Variants in PCDHGB3 observed in about 807,000 individuals in gnomAD.
PCDHGB3 encodes protocadherin gamma-B3.
Under a neutral mutation model 59.2 loss-of-function variants are expected in PCDHGB3, and 40 were observed. That is an observed-to-expected ratio of 0.68 (90% CI 0.52 to 0.88). The LOEUF (loss-of-function observed/expected upper bound fraction) is 0.88, where lower values mean the gene tolerates loss of function less well. PCDHGB3 is among the 40% of genes least tolerant of loss of function. The pLI is 0.00. For synonymous variants in PCDHGB3, 581 were observed against 503.6 expected (o/e 1.15, Z -2.06); for missense variants, 1,309 against 1,187.9 (o/e 1.10, Z -1.50).
intron 1 of PCDHGB3, chr5:141,478,024 C>T: frequency 2.5e-6 from 4 of 1,614,188 alleles, no homozygotes; most frequent in Non-Finnish European, 3.4e-6. Context: ...CAGTCCAAGA[C>T]ACAGATTCAC....
intron 1 of PCDHGB3, among the ~76,000 whole-genome samples, chr5:141,407,771 A>G (rs1414886829): frequency 6.6e-6 from 1 of 152,246 alleles, no homozygotes; most frequent in East Asian, 1.9e-4. Context: ...GAAATTGTGC[A>G]TAATAGATTT....
chr5:141,489,300 C>A lies in PCDHGB3; in HGVS notation c.2416-5507C>A. On this transcript the variant is annotated intron_variant, in intron 1 of 3. Coordinates refer to ENST00000576222, the MANE Select transcript of PCDHGB3 (RefSeq NM_018924.5). The surrounding 1 kb of genome is among the most constrained non-coding windows in gnomAD (Gnocchi z 4.5). ...AATGGCAAGTGCTGTGCATGTTGTC[C>A]TTGTGCTGCTGGGGCTGGGTGTCTG... 1 of 1,585,698 alleles carries A rather than the reference C, an allele frequency of 6.3e-7. No homozygotes were observed. Among genetic ancestry groups the A allele is most frequent in the South Asian group, 1.2e-5 (1 of 85,012 alleles).
In PCDHGB3 at chr5:141,489,153, G is replaced by A; in HGVS notation, c.2416-5654G>A. The A allele has an allele frequency of 1.1e-6, 1 of 935,832 alleles. No homozygotes were observed. The highest frequency in any genetic ancestry group is 1.6e-6 in the Non-Finnish European group (1 of 627,178). 58.0% of individuals were successfully genotyped at this position (935,832 alleles called of 1,614,324 possible). A position where few individuals can be genotyped will look rare whatever the true frequency, so the allele number is the denominator to read the frequency against. ...TTTAAGAGGCTGGAAGGAGACATAA[G>A]AGACTTCAGCTGCTGCATTCCAAGC... On this transcript the variant is annotated intron_variant, in intron 1 of 3. Coordinates refer to ENST00000576222, the MANE Select transcript of PCDHGB3 (RefSeq NM_018924.5). This position sits in a 1 kb window ranked among gnomAD's most constrained non-coding sequence, Gnocchi z 4.5.
At chr5:141,415,036 T>C (rs772612744) in intron 1 of PCDHGB3, 1 of 1,613,526 alleles carries the variant, frequency 6.2e-7, no homozygotes, top group Admixed American at 1.7e-5. Context: ...GCCGGGACTC[T>C]TCGCGGTGGG....
intron 1 of PCDHGB3, chr5:141,388,696 AGG>A (rs1404425662): frequency 1.2e-6 from 2 of 1,613,882 alleles, no homozygotes; most frequent in Non-Finnish European, 1.7e-6. Flanking sequence ...GACCAGGATG[AGG>A]GTGTCAATGC....
intron 1 of PCDHGB3, among the ~76,000 whole-genome samples, chr5:141,438,702 C>A (rs1217378337): frequency 5.7e-5 from 8 of 140,876 alleles, no homozygotes; most frequent in Non-Finnish European, 4.6e-5. Flanking sequence ...GCTCTGTCAC[C>A]CAGGCTGGAG....
chr5:141,474,685 T>G (rs1562045980), intron 1 of PCDHGB3, among the ~76,000 whole-genome samples: 1 of 152,224 alleles, frequency 6.6e-6, no homozygotes, highest in Non-Finnish European at 1.5e-5. Flanking sequence ...GCCTACCCCT[T>G]CACTTATGTT....
chr5:141,478,204 T>C (rs775367944), intron 1 of PCDHGB3: 7 of 1,613,950 alleles, frequency 4.3e-6, no homozygotes, highest in Middle Eastern at 1.6e-4. Context: ...ATCTACTTCT[T>C]TCTCTAATCC....
At chr5:141,403,378 T>G in intron 1 of PCDHGB3, 5 of 1,614,002 alleles carry the variant, frequency 3.1e-6, no homozygotes, top group Non-Finnish European at 4.2e-6. Context: ...AAGTAAAAAT[T>G]AACGAAATCG....
At chr5:141,389,567 G>A in intron 1 of PCDHGB3, 1 of 1,613,250 alleles carries the variant, frequency 6.2e-7, no homozygotes, top group South Asian at 1.1e-5. Flanking sequence ...CACGGGTGCT[G>A]TACCCCGCGC....
intron 1 of PCDHGB3, among the ~76,000 whole-genome samples, chr5:141,458,695 G>A (rs551105765): frequency 2.0e-5 from 3 of 151,852 alleles, no homozygotes; most frequent in Non-Finnish European, 2.9e-5. Context: ...TCAGCCTCCC[G>A]AGTAGCTGGG....
chr5:141,390,448 A>AGT, intron 1 of PCDHGB3: 1 of 845,308 alleles, frequency 1.2e-6, no homozygotes, highest in South Asian at 1.8e-5. Context: ...ACAAAGGAGG[A>AGT]GTAAAGTAGG....
At chr5:141,379,889 C>CTTTTTTATTTTTTTTTTTTTTTTTTTTTT (rs1775946036) in intron 1 of PCDHGB3, among the ~76,000 whole-genome samples, 1 of 50,830 alleles carries the variant, frequency 2.0e-5, no homozygotes, top group Non-Finnish European at 3.9e-5. Context: ...GTGAAAGCCT[C>CTTTTTTATTTTTTTTTTTTTTTTTTTTTT]TTTTTTTTTT....
chr5:141,509,046 C>T (rs1442220429), intron 3 of PCDHGB3, among the ~76,000 whole-genome samples: 1 of 152,160 alleles, frequency 6.6e-6, no homozygotes, highest in Non-Finnish European at 1.5e-5. Flanking sequence ...CTCTCCCCCG[C>T]CCCCAGAAAG....
chr5:141,405,770 G>A (rs989163026), intron 1 of PCDHGB3, among the ~76,000 whole-genome samples: 9 of 152,030 alleles, frequency 5.9e-5, no homozygotes, highest in South Asian at 4.2e-4. Flanking sequence ...GAGCCACTGC[G>A]CCTGGCCCTT....
At chr5:141,441,948 G>A in intron 1 of PCDHGB3, 1 of 332,472 alleles carries the variant, frequency 3.0e-6, no homozygotes, top group Non-Finnish European at 5.8e-6. Flanking sequence ...ACGTGCTGCA[G>A]GCCAGCAAGC....
At position 141,487,270 on chromosome 5, in the gene PCDHGB3, A is replaced by T. The variant is rs777469322; in HGVS notation, c.2416-7537A>T. 6.2e-7 allele frequency: 1 copy of T among 1,614,046 alleles called. No homozygotes were observed. Among genetic ancestry groups the T allele is most frequent in the South Asian group, 1.1e-5 (1 of 91,076 alleles). On this transcript the variant is annotated intron_variant, in intron 1 of 3. Transcript: ENST00000576222. The surrounding 1 kb of genome is among the most constrained non-coding windows in gnomAD (Gnocchi z 5.0). ...TCTACTTGGCTGTGTCCCTAGTGGC[A>T]ATTTGCTTTGTCTCCTTTGGCTCAT... is the stretch of plus-strand genomic sequence containing the variant.
intron 1 of PCDHGB3, chr5:141,409,742 G>T (rs763304955): frequency 5.0e-6 from 8 of 1,612,988 alleles, no homozygotes; most frequent in African/African-American, 1.3e-5. Flanking sequence ...GAGCGGGGTG[G>T]TGTTCGCGCA....
chr5:141,392,929 C>T (rs1474626800), intron 1 of PCDHGB3: 6 of 1,613,770 alleles, frequency 3.7e-6, no homozygotes, highest in Non-Finnish European at 5.1e-6. Flanking sequence ...CCAGAAGAGA[C>T]GGACAAAGGC....
Sources: allele counts gnomAD v4.1 joint callset (sites outside exome capture counted in the v4.1 genomes callset), GRCh38; gene constraint gnomAD v4.1.1; non-coding constraint Gnocchi (gnomAD v3.1); transcripts MANE v1.5; gene names NCBI Gene and HGNC (gene_info 2026-07-23, HGNC 2026-07-21).